The following S100A5 variants were observed in gnomAD, a reference collection of about 807,000 sequenced individuals.
S100A5 encodes the protein S100 calcium binding protein A5, also known as protein S100-A5.
Under a neutral mutation model 6.7 loss-of-function variants are expected in S100A5, and 5 were observed. The ratio of observed to expected loss-of-function variants is 0.75; its 90% CI spans 0.39 to 1.57. S100A5 has a LOEUF of 1.57. Ranked by LOEUF, S100A5 falls within the 40% of genes most tolerant of loss-of-function variation. S100A5 has a pLI of 0.03. For missense variants in S100A5, 129 were observed against 110.8 expected, an observed-to-expected ratio of 1.16 and a Z score of -0.74; for synonymous variants, 49 against 44.9, an observed-to-expected ratio of 1.09 and a Z score of -0.37.
intron 2 of S100A5, among the ~76,000 whole-genome samples, chr1:153,539,021 T>C (rs1665281084): frequency 6.6e-6 from 1 of 152,058 alleles, no homozygotes; most frequent in South Asian, 2.1e-4. Flanking sequence ...TCCTAGCTTC[T>C]CAGGAGGCTG....
At chr1:153,539,424 CAAAAAAAAAAA>C (rs149327889) in intron 2 of S100A5, among the ~76,000 whole-genome samples, 129 of 35,094 alleles carry the variant, frequency 3.7e-3, no homozygotes, top group African/African-American at 0.015. Flanking sequence ...GAGACTCTCT[CAAAAAAAAAAA>C]AAAAAAAAAA....
At position 153,537,382 on chromosome 1, in the gene S100A5, G is replaced by T. The variant is rs576782257; in HGVS notation, c.193C>A (p.Gln65Lys). The T allele has an allele frequency of 5.6e-6, 9 of 1,614,160 alleles. No individual in the cohort carries two copies. In the South Asian group the frequency reaches 8.8e-5, roughly 16 times the overall value. ...GAGTACTCCTTGAAGTCGATCTCCT[G>T]GTCGCTGTTCTTGTCCAGGCTCTTC... ...LMKSLDKNSD[Q>K]EIDFKEYSVF... Residue 65 changes from glutamine (Q) to lysine (K), a missense_variant, in exon 3 of 3, where the codon CAG becomes AAG. By Grantham distance (53) the Gln-to-Lys change is moderately conservative. Coordinates refer to ENST00000368717, the MANE Select transcript of S100A5 (RefSeq NM_001394232.1).
chr1:153,537,350 G>T lies in S100A5; in HGVS notation c.225C>A (p.Phe75Leu), dbSNP rs1237474297. 5 of 1,614,162 alleles carry T rather than the reference G, an allele frequency of 3.1e-6. No homozygotes were observed. In the Admixed American group the frequency reaches 6.7e-5, roughly 22 times the overall value. ...QEIDFKEYSV[F>L]LTMLCMAYND... ...TGTAGGCCATGCACAGCATGGTCAG[G>T]AACACCGAGTACTCCTTGAAGTCGA... Residue 75 changes from phenylalanine to leucine, a missense_variant, in exon 3 of 3, where the codon TTC becomes TTA. Transcript: ENST00000368717.
upstream of S100A5, chr1:153,541,450 T>C: frequency 7.3e-7 from 1 of 1,367,758 alleles, no homozygotes. Flanking sequence ...GCCTTCTGCC[T>C]TTATTTCCCT....
At position 153,537,311 on chromosome 1, in the gene S100A5, T is replaced by A. The variant is rs981844435; in HGVS notation, c.264A>T (p.Leu88=). Residue 88 remains leucine (L), a synonymous_variant, in exon 3 of 3, where the codon CTA becomes CTT. Coordinates refer to ENST00000368717, the MANE Select transcript of S100A5 (RefSeq NM_001394232.1). ...MLCMAYNDFF[L]EDNK Reference sequence around the variant, plus strand: ...GCAGCCCTGGTCACTTGTTGTCCTCTAGAAAGAAGTCGTTGTAGGCCATGC... The same window carrying A: ...GCAGCCCTGGTCACTTGTTGTCCTCAAGAAAGAAGTCGTTGTAGGCCATGC... The A allele has an allele frequency of 6.2e-7, 1 of 1,613,900 alleles. No individual in the cohort carries two copies. The highest frequency in any genetic ancestry group is 8.5e-7 in the Non-Finnish European group (1 of 1,179,822).
upstream of S100A5, chr1:153,541,920 A>T: frequency 9.2e-6 from 9 of 983,342 alleles, no homozygotes; most frequent in Non-Finnish European, 1.1e-5. Context: ...GGTCAAGGTC[A>T]TGAGCTAATA....
intron 2 of S100A5, 152 bp downstream of exon 2, chr1:153,539,902 G>T: frequency 1.2e-6 from 1 of 851,760 alleles, no homozygotes; most frequent in Non-Finnish European, 1.8e-6. Flanking sequence ...GAGTTTTGCT[G>T]GCCCGAAATC....
At chr1:153,542,610 G>A (rs958535473), upstream of S100A5, among the ~76,000 whole-genome samples, 1 of 152,104 alleles carries the variant, frequency 6.6e-6, no homozygotes, top group East Asian at 1.9e-4. Context: ...AGGTCAGTGG[G>A]ACAAAGCCCT....
rs1665212426 is a variant in S100A5, at chr1:153,537,341, C to A, written c.234G>T (p.Met78Ile). ...AGAAGTCGTTGTAGGCCATGCACAG[C>A]ATGGTCAGGAACACCGAGTACTCCT... is the stretch of plus-strand genomic sequence containing the variant. Reference protein sequence around the residue: ...DFKEYSVFLTMLCMAYNDFFL... With the variant: ...DFKEYSVFLTILCMAYNDFFL... Residue 78 changes from methionine (M) to isoleucine (I), a missense_variant, in exon 3 of 3, where the codon ATG (methionine) becomes ATT (isoleucine). By Grantham distance (10) the Met-to-Ile change is conservative. Transcript: ENST00000368717. The A allele has an allele frequency of 6.2e-7, 1 of 1,614,052 alleles. No homozygotes were observed. Among genetic ancestry groups the A allele is most frequent in the African/African-American group, 1.3e-5 (1 of 74,908 alleles).
At chr1:153,538,817 A>T (rs79702653) in intron 2 of S100A5, among the ~76,000 whole-genome samples, 5,263 of 152,270 alleles carry the variant, frequency 0.035, 304 homozygotes, top group African/African-American at 0.12. Flanking sequence ...GTATTTGAGC[A>T]TTGATTTTTT....
upstream of S100A5, among the ~76,000 whole-genome samples, chr1:153,542,604 C>A (rs189089199): frequency 1.4e-4 from 21 of 152,264 alleles, no homozygotes; most frequent in Non-Finnish European, 1.5e-5. Context: ...AAGAGGAGGT[C>A]AGTGGGACAA....
chr1:153,543,235 C>T (rs1318651348), upstream of S100A5: 2 of 985,282 alleles, frequency 2.0e-6, no homozygotes, highest in East Asian at 1.1e-4. Flanking sequence ...TTCCCTCCGA[C>T]TTACTCCCAG....
At position 153,537,147 on chromosome 1, in the gene S100A5, T is replaced by C; in HGVS notation, c.*149A>G. The C allele has an allele frequency of 1.1e-6, 1 of 885,640 alleles. No individual in the cohort carries two copies. The highest frequency in any genetic ancestry group is 1.8e-5 in the South Asian group (1 of 55,526). The allele number at this position is 885,640 out of a possible 1,614,324, so 54.9% of individuals were successfully genotyped here. ...AGACAAGACAGCTTCAAAACCAGACTCCCAGCACCTGCGATGGAAACTTTA... is the reference window on the plus strand; with the variant it reads ...AGACAAGACAGCTTCAAAACCAGACCCCCAGCACCTGCGATGGAAACTTTA... On this transcript the variant is annotated 3_prime_UTR_variant, in exon 3 of 3. Transcript: ENST00000368717.
chr1:153,542,876 C>T (rs2101689904), upstream of S100A5, among the ~76,000 whole-genome samples: 4 of 152,308 alleles, frequency 2.6e-5, no homozygotes, highest in Middle Eastern at 0.01. Context: ...ACTCCCACTC[C>T]AGCCACTGAC....
intron 2 of S100A5, among the ~76,000 whole-genome samples, chr1:153,539,463 ATATATATATATATTTATT>A (rs1424030632): frequency 9.1e-4 from 115 of 126,674 alleles, no homozygotes; most frequent in African/African-American, 3.8e-3. Context: ...ATATATATAT[ATATATATATATATTTATT>A]TATTTATTTA....
chr1:153,539,286 G>A (rs1400569509), intron 2 of S100A5, among the ~76,000 whole-genome samples: 3 of 151,090 alleles, frequency 2.0e-5, no homozygotes, highest in African/African-American at 2.4e-5. Context: ...AATTAGCTGG[G>A]CGTGATGGTG....
chr1:153,540,230 C>G, intron 1 of S100A5, 25 bp from the exon 2 acceptor site: 1 of 1,612,596 alleles, frequency 6.2e-7, no homozygotes, highest in Non-Finnish European at 8.5e-7. Flanking sequence ...GGGAAGATCC[C>G]ATTCCTCAGG....
chr1:153,539,650 C>T (rs1444527047), intron 2 of S100A5, among the ~76,000 whole-genome samples: 1 of 151,332 alleles, frequency 6.6e-6, no homozygotes, highest in Non-Finnish European at 1.5e-5. Flanking sequence ...ATCAGAGAGC[C>T]CTGGCCATGC....
At position 153,537,242 on chromosome 1, in the gene S100A5, A is replaced by C; in HGVS notation, c.*54T>G. On this transcript the variant is annotated 3_prime_UTR_variant, in exon 3 of 3. Transcript: ENST00000368717. ...GGGGCCAAAGAGGGTCTGTGAGAGG[A>C]GCAGCCGAGGTCAGCAGCAAAGGGT... 3.8e-6 allele frequency: 6 copies of C among 1,585,598 alleles called. No homozygotes were observed. The highest frequency in any genetic ancestry group is 4.3e-6 in the Non-Finnish European group (5 of 1,158,670).
Sources: allele counts gnomAD v4.1 joint callset (sites outside exome capture counted in the v4.1 genomes callset), GRCh38; gene constraint gnomAD v4.1.1; transcripts MANE v1.5; gene names NCBI Gene and HGNC (gene_info 2026-07-23, HGNC 2026-07-21).